Variants in IQSEC1 observed in about 807,000 individuals in gnomAD.
IQSEC1 encodes IQ motif and Sec7 domain ArfGEF 1.
IQSEC1 carries 31 observed loss-of-function variants against 91.0 expected under a neutral mutation model. The observed-to-expected ratio is 0.34, with a 90% CI of 0.26 to 0.46. The LOEUF is 0.46. IQSEC1 is among the 20% of genes least tolerant of loss of function. IQSEC1 has a pLI of 1.00. For synonymous variants in IQSEC1, 699 were observed against 662.6 expected, an observed-to-expected ratio of 1.05 and a Z score of -0.84; for missense variants, 1,388 against 1,575.6, an observed-to-expected ratio of 0.88 and a Z score of 2.02.
rs1675972462 is a variant in IQSEC1, at chr3:12,908,192, A to G, written c.2755+157T>C. Among the ~76,000 whole-genome samples, 1 of 152,118 alleles carries G rather than the reference A, an allele frequency of 6.6e-6. No homozygotes were observed. The highest frequency in any genetic ancestry group is 2.1e-4 in the South Asian group (1 of 4,824). ...TGTCTTTTTGGGGCGCCCTTTCTGT[A>G]TGTCACACGCTGCTCTGCTTTGCGG... is the stretch of plus-strand genomic sequence containing the variant. On this transcript the variant is annotated intron_variant, in intron 12 of 13. Transcript: ENST00000613206. The surrounding 1 kb of genome is among the most constrained non-coding windows in gnomAD (Gnocchi z 4.9).
At chr3:13,034,411 C>A (rs934539047) in intron 1 of IQSEC1, among the ~76,000 whole-genome samples, 2 of 152,222 alleles carry the variant, frequency 1.3e-5, no homozygotes, top group African/African-American at 4.8e-5. Context: ...CTTGACCCAG[C>A]GAGAACGTTT....
chr3:12,998,937 C>A (rs915870112), intron 1 of IQSEC1, among the ~76,000 whole-genome samples: 1 of 152,040 alleles, frequency 6.6e-6, no homozygotes, highest in African/African-American at 2.4e-5. Context: ...CAACATGAAG[C>A]TTTGCCCCCC....
rs1475362200 is a variant in IQSEC1, at chr3:12,900,976, A to G, written c.*7T>C. The G allele has an allele frequency of 3.2e-6, 5 of 1,540,532 alleles. No homozygotes were observed. Among genetic ancestry groups the G allele is most frequent in the Non-Finnish European group, 3.5e-6 (4 of 1,145,246 alleles). ...TTCAGGGAGCCTGGGACCCCTACCC[A>G]GGCTGTCTACACAATTGTGCTGATG... is the stretch of plus-strand genomic sequence containing the variant. On this transcript the variant is annotated 3_prime_UTR_variant, in exon 14 of 14. Coordinates refer to ENST00000613206, the MANE Select transcript of IQSEC1 (RefSeq NM_001134382.3).
At chr3:13,122,299 C>A (rs1297665054) in intron 2 of IQSEC1, among the ~76,000 whole-genome samples, 1 of 152,204 alleles carries the variant, frequency 6.6e-6, no homozygotes, top group Non-Finnish European at 1.5e-5. Context: ...GGACAGGGAG[C>A]GAGTCCAGGA....
intron 1 of IQSEC1, among the ~76,000 whole-genome samples, chr3:13,243,605 G>A (rs1335705699): frequency 5.9e-5 from 9 of 152,194 alleles, no homozygotes; most frequent in Admixed American, 4.6e-4. Flanking sequence ...AAGCGGATGC[G>A]CTGGGCCAGG....
intron 1 of IQSEC1, among the ~76,000 whole-genome samples, chr3:13,247,372 C>A (rs1322561290): frequency 6.6e-6 from 1 of 152,240 alleles, no homozygotes; most frequent in Non-Finnish European, 1.5e-5. Flanking sequence ...TGCCCCCAGG[C>A]TCTGCTCTGT....
chr3:13,071,652 A>G (rs1332811593), intron 1 of IQSEC1, among the ~76,000 whole-genome samples: 1 of 152,178 alleles, frequency 6.6e-6, no homozygotes, highest in Admixed American at 6.5e-5. Flanking sequence ...CGACAAACCA[A>G]CCTGTGAGCT....
chr3:13,032,500 C>T (rs987747113), intron 1 of IQSEC1, among the ~76,000 whole-genome samples: 16 of 152,318 alleles, frequency 1.1e-4, no homozygotes, highest in South Asian at 4.1e-4. Context: ...GATCCTGACA[C>T]GGAAGGACAA....
chr3:13,122,037 G>A (rs1475913131), intron 2 of IQSEC1, among the ~76,000 whole-genome samples: 3 of 152,250 alleles, frequency 2.0e-5, no homozygotes, highest in African/African-American at 7.2e-5. Flanking sequence ...CAGCCTGCCT[G>A]TAGGGAGCTC....
Position 13,259,797 on chromosome 3 carries a change from T to C in IQSEC1, c.272+22914A>G, listed in dbSNP as rs540385280. ...AGATGCCACAAGGGGATGCAAGCCA[T>C]GCAGCCAATGCCACCCAAGAAAAGG... On this transcript the variant is annotated intron_variant, in intron 1 of 15. Transcript: ENST00000648114. The surrounding 1 kb of genome is among the most constrained non-coding windows in gnomAD (Gnocchi z 4.6). 6.6e-6 allele frequency among the ~76,000 whole-genome samples: 1 copy of C among 152,364 alleles called. No individual in the cohort carries two copies. The highest frequency in any genetic ancestry group is 2.1e-4 in the South Asian group (1 of 4,828).
intron 2 of IQSEC1, among the ~76,000 whole-genome samples, chr3:13,152,030 G>A (rs938221171): frequency 6.6e-6 from 1 of 152,130 alleles, no homozygotes; most frequent in Admixed American, 6.6e-5. Flanking sequence ...TTCCTCATAA[G>A]TCAGACTCCC....
chr3:12,905,190 C>T (rs734390), intron 12 of IQSEC1, among the ~76,000 whole-genome samples: 31,000 of 152,298 alleles, frequency 0.2, 4,081 homozygotes, highest in Admixed American at 0.29. Flanking sequence ...ACACCACACA[C>T]GTGCTGATCA....
At chr3:13,158,215 C>T (rs1325466986) in intron 2 of IQSEC1, among the ~76,000 whole-genome samples, 2 of 152,230 alleles carry the variant, frequency 1.3e-5, no homozygotes, top group South Asian at 4.1e-4. Flanking sequence ...AGGGACCCGG[C>T]CCAGCCCCAG....
chr3:12,926,944 C>G (rs765907599), intron 3 of IQSEC1, among the ~76,000 whole-genome samples: 25 of 152,196 alleles, frequency 1.6e-4, no homozygotes, highest in Non-Finnish European at 3.7e-4. Flanking sequence ...TGGCCCCGGT[C>G]CCTACCTGTC....
intron 1 of IQSEC1, among the ~76,000 whole-genome samples, chr3:13,030,144 T>G (rs1703790105): frequency 1.3e-5 from 2 of 152,172 alleles, no homozygotes; most frequent in African/African-American, 4.8e-5. Context: ...GTCACCCAAG[T>G]TGGAGTGCAG....
In IQSEC1 at chr3:12,967,817, G is replaced by A; in HGVS notation, c.24-25952C>T. ...TGGGGGCGGGGCTGCGCGCGGGGGC[G>A]AGACTGCACGGAGCGTGTGGGGAAG... is the stretch of plus-strand genomic sequence containing the variant. On this transcript the variant is annotated intron_variant, in intron 1 of 13. Transcript: ENST00000613206. This position sits in a 1 kb window ranked among gnomAD's most constrained non-coding sequence, Gnocchi z 5.9. The A allele has an allele frequency of 2.4e-6, 1 of 416,834 alleles. No homozygotes were observed. The highest frequency in any genetic ancestry group is 3.2e-6 in the Non-Finnish European group (1 of 309,134). 25.8% of individuals were successfully genotyped at this position (416,834 alleles called of 1,614,324 possible).
intron 2 of IQSEC1, among the ~76,000 whole-genome samples, chr3:13,120,318 T>G (rs140041478): frequency 8.5e-5 from 13 of 152,196 alleles, no homozygotes; most frequent in Non-Finnish European, 1.9e-4. Flanking sequence ...AACTGAGGCT[T>G]GGTAGGAGGG....
At chr3:13,009,541 A>C (rs1702783510) in intron 1 of IQSEC1, among the ~76,000 whole-genome samples, 1 of 151,872 alleles carries the variant, frequency 6.6e-6, no homozygotes, top group African/African-American at 2.4e-5. Flanking sequence ...GAAATGCCCC[A>C]GATGCCCGCA....
At chr3:13,110,861 A>G (rs1706233776) in intron 2 of IQSEC1, among the ~76,000 whole-genome samples, 1 of 152,180 alleles carries the variant, frequency 6.6e-6, no homozygotes, top group East Asian at 1.9e-4. Flanking sequence ...GCCGAAGTAA[A>G]TGAACCCTGT....
Sources: gnomAD v4.1 joint callset for allele counts (sites outside exome capture counted in the v4.1 genomes callset) on GRCh38, gnomAD v4.1.1 for gene constraint, Gnocchi (gnomAD v3.1) non-coding constraint, MANE v1.5 for transcripts, NCBI Gene and HGNC (gene_info 2026-07-23, HGNC 2026-07-21) for gene names.